Variants in CCDC102B observed in about 807,000 individuals in gnomAD.
The protein encoded by CCDC102B is coiled-coil domain containing 102B.
A neutral mutation model predicts 57.4 loss-of-function variants in CCDC102B; 75 were observed. The ratio of observed to expected loss-of-function variants is 1.31; its 90% CI spans 1.08 to 1.58. The LOEUF (loss-of-function observed/expected upper bound fraction) is 1.58. CCDC102B is among the 40% of genes most tolerant of loss of function. The pLI is 0.00. For synonymous variants in CCDC102B, 206 were observed against 201.9 expected (o/e 1.02, Z -0.17); for missense variants, 636 against 582.6 (o/e 1.09, Z -0.94).
intron 5 of CCDC102B, among the ~76,000 whole-genome samples, chr18:68,883,205 G>A (rs1422202505): frequency 6.6e-6 from 1 of 151,874 alleles, no homozygotes; most frequent in African/African-American, 2.4e-5. Context: ...TGGATCATGA[G>A]GTCAGGAGTT....
chr18:68,880,778 A>C (rs1036327649), intron 5 of CCDC102B, among the ~76,000 whole-genome samples: 2 of 152,256 alleles, frequency 1.3e-5, no homozygotes, highest in Non-Finnish European at 2.9e-5. Flanking sequence ...ATTTATGATT[A>C]GTAAAATATG....
chr18:68,826,535 A>G (rs1252823360), intron 1 of CCDC102B, among the ~76,000 whole-genome samples: 1 of 152,218 alleles, frequency 6.6e-6, no homozygotes, highest in Non-Finnish European at 1.5e-5. Context: ...ATTATACGTT[A>G]GAAGCAGGTC....
intron 2 of CCDC102B, among the ~76,000 whole-genome samples, chr18:68,717,003 A>G (rs1416447973): frequency 2.6e-5 from 4 of 151,064 alleles, no homozygotes; most frequent in Non-Finnish European, 5.9e-5. Flanking sequence ...CATGAACCCA[A>G]GAGGCCGAGC....
intron 2 of CCDC102B, among the ~76,000 whole-genome samples, chr18:68,790,818 C>G (rs552572): frequency 5.3e-5 from 8 of 151,930 alleles, no homozygotes; most frequent in Admixed American, 6.6e-5. Context: ...AGCTGTAGAC[C>G]GGAGCTGTTC....
chr18:68,785,623 C>G (rs2035177566), intron 2 of CCDC102B, among the ~76,000 whole-genome samples: 1 of 149,784 alleles, frequency 6.7e-6, no homozygotes, highest in Non-Finnish European at 1.5e-5. Context: ...GCATAAATGT[C>G]TTCTTTTGAG....
chr18:69,051,914 T>C (rs1443581217), intron 7 of CCDC102B, among the ~76,000 whole-genome samples: 2 of 149,746 alleles, frequency 1.3e-5, no homozygotes, highest in Admixed American at 1.3e-4. Context: ...ATGACAAGTG[T>C]AAAACATGAA....
intron 1 of CCDC102B, among the ~76,000 whole-genome samples, chr18:68,821,266 T>C (rs2036679816): frequency 6.6e-6 from 1 of 152,120 alleles, no homozygotes; most frequent in African/African-American, 2.4e-5. Flanking sequence ...AAATACTTGC[T>C]GCTTGTCTTC....
At chr18:68,780,667 T>A (rs1170463130) in intron 2 of CCDC102B, among the ~76,000 whole-genome samples, 1 of 152,136 alleles carries the variant, frequency 6.6e-6, no homozygotes, top group African/African-American at 2.4e-5. Flanking sequence ...TCCTAATGAC[T>A]AATGATGCTG....
chr18:68,793,421 TATTA>T (rs2035527811), upstream of CCDC102B, among the ~76,000 whole-genome samples: 1 of 152,332 alleles, frequency 6.6e-6, no homozygotes, highest in East Asian at 1.9e-4. Flanking sequence ...ATGTTAGTAC[TATTA>T]ATTCTTTCAA....
chr18:68,881,452 G>A (rs927187171), intron 5 of CCDC102B, among the ~76,000 whole-genome samples: 2 of 152,128 alleles, frequency 1.3e-5, no homozygotes, highest in African/African-American at 4.8e-5. Context: ...TAGGCCATAG[G>A]GTGCCCAGAC....
chr18:68,971,931 C>A (rs2145261933), intron 6 of CCDC102B, among the ~76,000 whole-genome samples: 1 of 152,260 alleles, frequency 6.6e-6, no homozygotes, highest in Non-Finnish European at 1.5e-5. Flanking sequence ...TCCTTCACTT[C>A]ATCTCCTCCT....
chr18:68,726,772 C>G (rs910754295), intron 2 of CCDC102B, among the ~76,000 whole-genome samples: 3 of 152,094 alleles, frequency 2.0e-5, no homozygotes, highest in African/African-American at 7.2e-5. Flanking sequence ...AATGCTCTAT[C>G]CTGATGATTC....
rs535352080 is a variant in CCDC102B at position 68,778,554 on chromosome 18, GAACA to G, written c.-66-44805_-66-44802del. ...AATCTTTTTTTTAAAAATAAGTAGT[GAACA>G]AACAAAGACTAAGTCACAGTGAATT... On this transcript the variant is annotated intron_variant, in intron 2 of 3. Transcript: ENST00000578970. Among the ~76,000 whole-genome samples, 19 of 152,002 alleles carry G rather than the reference GAACA, an allele frequency of 1.2e-4. No homozygotes were observed. The East Asian group carries it at 1.5e-3, about 12-fold the overall frequency.
Position 68,738,488 on chromosome 18 carries a change from G to A in CCDC102B, c.-67+21894G>A, listed in dbSNP as rs576267681. Among the ~76,000 whole-genome samples the A allele has an allele frequency of 5.3e-5, 8 of 152,172 alleles. No homozygotes were observed. In the East Asian group the frequency reaches 7.8e-4, roughly 15 times the overall value. Reference sequence around the variant, plus strand: ...TTCCAAATAATGTCCAATATAGACCGTCTGAGAGGTGCTCTCAGCACTGGT... The same window carrying A: ...TTCCAAATAATGTCCAATATAGACCATCTGAGAGGTGCTCTCAGCACTGGT... On this transcript the variant is annotated intron_variant, in intron 2 of 3. Transcript: ENST00000578970.
At chr18:68,868,054 G>T (rs2039081185) in intron 4 of CCDC102B, among the ~76,000 whole-genome samples, 1 of 151,890 alleles carries the variant, frequency 6.6e-6, no homozygotes, top group Non-Finnish European at 1.5e-5. Context: ...ATTTCTCAAT[G>T]ATATTTCCTC....
At chr18:69,022,193 CTATATATATATATA>C (rs57226048) in intron 7 of CCDC102B, among the ~76,000 whole-genome samples, 121,281 of 142,032 alleles carry the variant, frequency 0.85, 51,896 homozygotes, top group Non-Finnish European at 0.94. Context: ...ATCCTTTAGC[CTATATATATATATA>C]TATATATATA....
At chr18:68,933,096 AT>A (rs201454245) in intron 6 of CCDC102B, among the ~76,000 whole-genome samples, 43,741 of 146,626 alleles carry the variant, frequency 0.3, 7,793 homozygotes, top group East Asian at 0.64. Flanking sequence ...TTTACTCCTC[AT>A]AAAAAAAAAA....
intron 6 of CCDC102B, 179 bp downstream of exon 6, chr18:68,897,607 C>A: frequency 6.4e-7 from 1 of 1,550,662 alleles, no homozygotes; most frequent in Non-Finnish European, 8.7e-7. Flanking sequence ...GCATCTGAAA[C>A]AAAGTGTGTC....
chr18:69,015,369 G>A (rs2051637420), intron 7 of CCDC102B, among the ~76,000 whole-genome samples: 1 of 152,106 alleles, frequency 6.6e-6, no homozygotes, highest in African/African-American at 2.4e-5. Context: ...GTTTTTCTCT[G>A]ATTAAAGGTC....
Sources: allele counts gnomAD v4.1 joint callset (sites outside exome capture counted in the v4.1 genomes callset), GRCh38; gene constraint gnomAD v4.1.1; transcripts MANE v1.5; gene names NCBI Gene and HGNC (gene_info 2026-07-23, HGNC 2026-07-21).